The following USH2A variants were observed in gnomAD, a reference collection of about 807,000 sequenced individuals.
USH2A encodes the protein Usher syndrome 2A (autosomal recessive, mild).
Under a neutral mutation model 538.9 loss-of-function variants are expected in USH2A, and 443 were observed. That is an observed-to-expected ratio of 0.82 (90% CI 0.76 to 0.89). USH2A has a LOEUF of 0.89. USH2A is among the 40% of genes least tolerant of loss of function. The pLI, the probability that USH2A is intolerant of heterozygous loss-of-function variation, is 0.00. For synonymous variants in USH2A, 2,413 were observed against 2,273.5 expected (o/e 1.06, Z -1.75); for missense variants, 6,633 against 6,324.8 (o/e 1.05, Z -1.65).
chr1:215,965,382 G>A lies in USH2A; in HGVS notation c.7055C>T (p.Pro2352Leu). ...SRKAHVRWEA[P>L]FRPNGLLTHS... is the part of the protein sequence containing the mutation. ...TGTTAAGAGTCCATTAGGGCGAAAAGGTGCTTCCCACCTCACGTGGGCTTT... is the reference window on the plus strand; with the variant it reads ...TGTTAAGAGTCCATTAGGGCGAAAAAGTGCTTCCCACCTCACGTGGGCTTT... Residue 2352 changes from proline to leucine, a missense_variant, in exon 37 of 72, where the codon CCT (proline) becomes CTT (leucine). Transcript: ENST00000307340. 1 of 1,613,914 alleles carries A rather than the reference G, an allele frequency of 6.2e-7. No individual in the cohort carries two copies. The highest frequency in any genetic ancestry group is 2.2e-5 in the East Asian group (1 of 44,880).
chr1:216,171,098 A>C (rs1179222796), intron 21 of USH2A, among the ~76,000 whole-genome samples: 3 of 152,098 alleles, frequency 2.0e-5, no homozygotes, highest in African/African-American at 7.2e-5. Context: ...TAAATTTCTT[A>C]AATTATTAGA....
chr1:216,022,002 C>T (rs1370496055), intron 32 of USH2A, among the ~76,000 whole-genome samples: 1 of 152,048 alleles, frequency 6.6e-6, no homozygotes, highest in African/African-American at 2.4e-5. Flanking sequence ...CAAGAACTGG[C>T]TGTTGAAAAA....
intron 21 of USH2A, among the ~76,000 whole-genome samples, chr1:216,172,928 A>T (rs996116783): frequency 1.6e-4 from 24 of 152,162 alleles, no homozygotes; most frequent in Non-Finnish European, 4.4e-5. Flanking sequence ...CCTGTAGCAG[A>T]GACCTTGCCT....
intron 38 of USH2A, among the ~76,000 whole-genome samples, chr1:215,920,371 T>C (rs570733337): frequency 1.2e-4 from 18 of 152,212 alleles, no homozygotes; most frequent in African/African-American, 4.1e-4. Flanking sequence ...CACTTAGTTT[T>C]AGAGACAGCT....
chr1:216,069,413 A>G (rs1173672786), intron 30 of USH2A, among the ~76,000 whole-genome samples: 1 of 152,140 alleles, frequency 6.6e-6, no homozygotes, highest in African/African-American at 2.4e-5. Context: ...GGATTTTTTG[A>G]TAGAGGAAAA....
intron 21 of USH2A, chr1:216,174,329 T>A (rs924499473): frequency 4.5e-5 from 44 of 980,904 alleles, no homozygotes; most frequent in Middle Eastern, 5.2e-4. Context: ...TAAATTTTTT[T>A]AAAAATTGGA....
At chr1:216,279,926 A>G (rs986982974) in intron 11 of USH2A, among the ~76,000 whole-genome samples, 2 of 152,030 alleles carry the variant, frequency 1.3e-5, no homozygotes, top group African/African-American at 4.8e-5. Context: ...CTCTGGGGCT[A>G]CCAGAAAATA....
intron 59 of USH2A, 59 bp downstream of exon 59, chr1:215,743,118 A>T: frequency 6.3e-7 from 1 of 1,583,092 alleles, no homozygotes; most frequent in Non-Finnish European, 8.6e-7. Context: ...TTTTAATGAA[A>T]TTTTTTAATG....
At chr1:216,386,565 A>G (rs915524342) in intron 3 of USH2A, among the ~76,000 whole-genome samples, 31 of 128,834 alleles carry the variant, frequency 2.4e-4, no homozygotes, top group Non-Finnish European at 4.4e-4. Flanking sequence ...ATATATATAT[A>G]TGCTGGGTGT....
At chr1:215,973,969 C>CACACACACAA (rs1667559151) in intron 35 of USH2A, among the ~76,000 whole-genome samples, 1 of 151,024 alleles carries the variant, frequency 6.6e-6, no homozygotes, top group African/African-American at 2.4e-5. Context: ...CACACACACA[C>CACACACACAA]AAACACAGAG....
At chr1:215,903,314 C>G (rs774193857) in intron 38 of USH2A, among the ~76,000 whole-genome samples, 2 of 151,764 alleles carry the variant, frequency 1.3e-5, no homozygotes, top group Non-Finnish European at 2.9e-5. Context: ...GTGAAGACAA[C>G]GAGGGGGTAA....
intron 13 of USH2A, among the ~76,000 whole-genome samples, chr1:216,240,431 A>T (rs1219927319): frequency 6.6e-6 from 1 of 151,330 alleles, no homozygotes; most frequent in Non-Finnish European, 1.5e-5. Context: ...GTGTTTGCAG[A>T]TTTTCTCAGA....
intron 3 of USH2A, among the ~76,000 whole-genome samples, chr1:216,410,241 G>C (rs1323788444): frequency 6.6e-6 from 1 of 151,990 alleles, no homozygotes; most frequent in African/African-American, 2.4e-5. Flanking sequence ...TGCTTAATAG[G>C]CTGATGTTGG....
intron 37 of USH2A, among the ~76,000 whole-genome samples, chr1:215,947,098 GTGGTGTGATC>G (rs1173626513): frequency 6.6e-6 from 1 of 150,878 alleles, no homozygotes; most frequent in Admixed American, 6.6e-5. Flanking sequence ...CTGGAGTGCA[GTGGTGTGATC>G]TTGGCTCACT....
intron 11 of USH2A, among the ~76,000 whole-genome samples, chr1:216,286,779 G>A (rs904015197): frequency 2.0e-5 from 3 of 151,966 alleles, no homozygotes; most frequent in African/African-American, 4.8e-5. Flanking sequence ...AACTTACTCT[G>A]TCTTGGGTAT....
intron 50 of USH2A, among the ~76,000 whole-genome samples, chr1:215,795,979 T>C (rs7529912): frequency 0.23 from 35,595 of 151,804 alleles, 4,518 homozygotes; most frequent in Non-Finnish European, 0.28. Context: ...AATAAATCTA[T>C]AACATTCTAA....
intron 61 of USH2A, among the ~76,000 whole-genome samples, chr1:215,688,009 G>C (rs774134151): frequency 6.6e-6 from 1 of 152,096 alleles, no homozygotes; most frequent in Admixed American, 6.6e-5. Flanking sequence ...ATTGGAAATT[G>C]TGGTAAATTA....
intron 11 of USH2A, among the ~76,000 whole-genome samples, chr1:216,263,286 A>G (rs2036410583): frequency 6.6e-6 from 1 of 152,174 alleles, no homozygotes; most frequent in Non-Finnish European, 1.5e-5. Context: ...TAAGGCCAGC[A>G]TTACCCTGAT....
rs149109484 is a variant in USH2A at position 216,355,229 on chromosome 1, G to T, written c.784+9724C>A. On this transcript the variant is annotated intron_variant, in intron 4 of 71. Coordinates refer to ENST00000307340, the MANE Select transcript of USH2A (RefSeq NM_206933.4). ...GAGGCATGAGAATTACTTGAACCCA[G>T]GAGGCAGATGTTGCAGTGAGCCAAG... 3.7e-3 allele frequency among the ~76,000 whole-genome samples: 567 copies of T among 151,820 alleles called. 4 individuals are homozygous for T. The highest frequency in any genetic ancestry group is 0.013 in the African/African-American group (540 of 41,356).
Sources: gnomAD v4.1 joint callset for allele counts (sites outside exome capture counted in the v4.1 genomes callset) on GRCh38, gnomAD v4.1.1 for gene constraint, MANE v1.5 for transcripts, NCBI Gene and HGNC (gene_info 2026-07-23, HGNC 2026-07-21) for gene names.